Variants in DDX49 observed in about 807,000 individuals in gnomAD.
The protein encoded by DDX49 is DEAD-box helicase 49.
In DDX49, 50 loss-of-function variants were observed where a neutral mutation model predicts 56.3. That is an observed-to-expected ratio of 0.89 (90% confidence interval 0.71 to 1.12). The LOEUF is 1.12. Among genes scored for constraint, DDX49 ranks in the 50% most tolerant of loss-of-function variants. The probability of loss-of-function intolerance (pLI) is 0.00; values close to 1 mark genes in which losing one functional copy is unlikely to be tolerated. For missense variants in DDX49, 614 were observed against 650.5 expected, an observed-to-expected ratio of 0.94 and a Z score of 0.61; for synonymous variants, 269 against 270.6, an observed-to-expected ratio of 0.99 and a Z score of 0.06.
rs766495897 is a variant in DDX49 at position 18,927,747 on chromosome 19, G to A, written c.1103-19G>A. 13 of 882,456 alleles carry A rather than the reference G, an allele frequency of 1.5e-5. No individual in the cohort carries two copies. The highest frequency in any genetic ancestry group is 2.7e-5 in the South Asian group (2 of 73,940). 54.7% of individuals were successfully genotyped at this position (882,456 alleles called of 1,614,324 possible). On this transcript the variant is annotated intron_variant, in intron 10 of 12. Transcript: ENST00000247003. ...ACGTCTCCTCCCCACCCCCACCCCC[G>A]GCTTTGCTGTCCCCACAGAGAAGAA... is the stretch of plus-strand genomic sequence containing the variant.
At chr19:18,922,163 A>T in intron 4 of DDX49, 163 bp from the exon 5 acceptor site, 1 of 1,159,150 alleles carries the variant, frequency 8.6e-7, no homozygotes, top group Non-Finnish European at 1.2e-6. Flanking sequence ...ATTCGGGGGT[A>T]GGGCCTTGCT....
intron 7 of DDX49, 127 bp downstream of exon 7, chr19:18,924,435 T>G: frequency 8.9e-7 from 1 of 1,128,004 alleles, no homozygotes. Context: ...TCCCAGAATA[T>G]CGCAGCTCAA....
Position 18,919,857 on chromosome 19 carries a change from G to T in DDX49, c.115+1G>T. On this transcript the variant is annotated splice_donor_variant, in intron 1 of 12. Coordinates refer to ENST00000247003, the MANE Select transcript of DDX49 (RefSeq NM_019070.5). LOFTEE classifies it high-confidence loss of function. ...GGCTGCATCCCCGCCATCCTGGAGGGTGAGTATGGCCCAGGGCCTTCCCCA... is the reference window on the plus strand; with the variant it reads ...GGCTGCATCCCCGCCATCCTGGAGGTTGAGTATGGCCCAGGGCCTTCCCCA... 2 of 1,596,362 alleles carry T rather than the reference G, an allele frequency of 1.3e-6. No homozygotes were observed. The highest frequency in any genetic ancestry group is 1.7e-6 in the Non-Finnish European group (2 of 1,165,818).
rs773058681 is a variant in DDX49, at chr19:18,928,038, T to C, written c.1263+2T>C. 4.3e-6 allele frequency: 7 copies of C among 1,612,766 alleles called. No homozygotes were observed. The East Asian group carries it at 1.6e-4, about 36-fold the overall frequency. ...AAGCAGCTGATCCTGGAGGGGAAGG[T>C]GAGGGCCGAGCCCGCAGGTAGGGGG... On this transcript the variant is annotated splice_donor_variant, in intron 12 of 12. Transcript: ENST00000247003. LOFTEE classifies it high-confidence loss of function.
chr19:18,922,419 C>G lies in DDX49; in HGVS notation c.541C>G (p.Gln181Glu). Residue 181 changes from glutamine to glutamate, a missense_variant, in exon 5 of 13, where the codon CAG (glutamine) becomes GAG (glutamate). Gln to Glu is a conservative substitution (Grantham distance 29, BLOSUM62 2). Transcript: ENST00000247003. ...CCTGGCGGCTGTGCCGGCCCGCAGG[C>G]AGACACTGCTGTTCAGCGCCACGCT... The part of the protein sequence containing the change: ...AILAAVPARR[Q>E]TLLFSATLTD... 1 of 1,609,400 alleles carries G rather than the reference C, an allele frequency of 6.2e-7. No individual in the cohort carries two copies. Among genetic ancestry groups the G allele is most frequent in the Non-Finnish European group, 8.5e-7 (1 of 1,179,192 alleles).
chr19:18,919,815 C>T lies in DDX49; in HGVS notation c.74C>T (p.Pro25Leu). 6.2e-7 allele frequency: 1 copy of T among 1,609,370 alleles called. No individual in the cohort carries two copies. The highest frequency in any genetic ancestry group is 1.1e-5 in the South Asian group (1 of 91,024). The change falls in exon 1 of 13, where the codon CCC (proline) becomes CTC (leucine). Residue 25 changes from proline (P) to leucine (L), a missense_variant. Transcript: ENST00000247003. The part of the protein sequence containing the change: ...EQCRQLGLKQ[P>L]TPVQLGCIPA... ...TGTCGGCAGCTGGGTTTGAAGCAGC[C>T]CACGCCCGTGCAGCTCGGCTGCATC...
chr19:18,926,307 G>T lies in DDX49; in HGVS notation c.1032G>T (p.Arg344=), dbSNP rs868549242. 2 of 1,572,528 alleles carry T rather than the reference G, an allele frequency of 1.3e-6. No homozygotes were observed. The highest frequency in any genetic ancestry group is 1.7e-6 in the Non-Finnish European group (2 of 1,158,878). The change falls in exon 10 of 13, where the codon CGG becomes CGT. Residue 344 remains arginine, a synonymous_variant. Coordinates refer to ENST00000247003, the MANE Select transcript of DDX49 (RefSeq NM_019070.5). ...HRVGRTARAG[R]QGQAITLVTQ... Reference sequence around the variant, plus strand: ...ATAACCGGCACATCCCCACAGGGCGGCAGGGTCAGGCCATCACGCTGGTGA... The same window carrying T: ...ATAACCGGCACATCCCCACAGGGCGTCAGGGTCAGGCCATCACGCTGGTGA...
chr19:18,920,021 GT>G (rs1214444373), intron 1 of DDX49, among the ~76,000 whole-genome samples, 165 bp downstream of exon 1: 1 of 152,230 alleles, frequency 6.6e-6, no homozygotes, highest in Non-Finnish European at 1.5e-5. Context: ...TGGCATTTAG[GT>G]TGCATGACTG....
At chr19:18,925,258 AAAAT>A in intron 9 of DDX49, 2 of 287,860 alleles carry the variant, frequency 6.9e-6, no homozygotes, top group African/African-American at 2.5e-5. Context: ...TGTCTCCAAA[AAAAT>A]AAAATAAAAT....
Position 18,927,871 on chromosome 19 carries a change from G to A in DDX49, c.1191+17G>A, listed in dbSNP as rs779693883. 1.1e-5 allele frequency: 18 copies of A among 1,613,908 alleles called. No homozygotes were observed. The South Asian group carries it at 1.6e-4, about 15-fold the overall frequency. ...TGTGAGATCGTGAGTGTCAGAGGCGGGCAGGAACTAAAGTGCTCTCCAGGG... is the reference window on the plus strand; with the variant it reads ...TGTGAGATCGTGAGTGTCAGAGGCGAGCAGGAACTAAAGTGCTCTCCAGGG... On this transcript the variant is annotated intron_variant, in intron 11 of 12. Transcript: ENST00000247003.
chr19:18,926,394 T>C lies in DDX49; in HGVS notation c.1102+17T>C. On this transcript the variant is annotated intron_variant, in intron 10 of 12. Coordinates refer to ENST00000247003, the MANE Select transcript of DDX49 (RefSeq NM_019070.5). ...AGCAGATCAGTGAGTGGGGTTGGGGTGGGTGGTAGAGAAGGAGGGGTGGGG... is the reference window on the plus strand; with the variant it reads ...AGCAGATCAGTGAGTGGGGTTGGGGCGGGTGGTAGAGAAGGAGGGGTGGGG... The C allele has an allele frequency of 9.9e-6, 3 of 302,376 alleles. No homozygotes were observed. The highest frequency in any genetic ancestry group is 4.9e-5 in the South Asian group (1 of 20,286). The allele number at this position is 302,376 out of a possible 1,614,324, so 18.7% of individuals were successfully genotyped here.
chr19:18,924,776 A>G, intron 8 of DDX49, 77 bp downstream of exon 8: 5 of 1,612,906 alleles, frequency 3.1e-6, no homozygotes, highest in Middle Eastern at 1.6e-4. Context: ...GGCTGGCCTC[A>G]GGCATGTCAG....
At position 18,921,681 on chromosome 19, in the gene DDX49, C is replaced by G. The variant is rs773680130; in HGVS notation, c.258C>G (p.Ile86Met). Reference sequence around the variant, plus strand: ...CCCACAGGGAGCTGGCCTACCAGATCGCAGAGCAGTTCCGGGTCCTGGGGA... The same window carrying G: ...CCCACAGGGAGCTGGCCTACCAGATGGCAGAGCAGTTCCGGGTCCTGGGGA... ...LTPTRELAYQ[I>M]AEQFRVLGKP... Residue 86 changes from isoleucine (I) to methionine (M), a missense_variant, in exon 3 of 13, where the codon ATC (isoleucine) becomes ATG (methionine). Ile to Met is a conservative substitution (Grantham distance 10, BLOSUM62 1). Coordinates refer to ENST00000247003, the MANE Select transcript of DDX49 (RefSeq NM_019070.5). 5 of 1,614,100 alleles carry G rather than the reference C, an allele frequency of 3.1e-6. No individual in the cohort carries two copies. The highest frequency in any genetic ancestry group is 2.7e-5 in the African/African-American group (2 of 75,028).
chr19:18,926,405 G>GA, intron 10 of DDX49, 28 bp downstream of exon 10: 1 of 341,776 alleles, frequency 2.9e-6, no homozygotes, highest in Non-Finnish European at 5.4e-6. Context: ...GGGTGGTAGA[G>GA]AAGGAGGGGT....
Position 18,924,927 on chromosome 19 carries a change from C to A in DDX49, c.975C>A (p.Thr325=). The A allele has an allele frequency of 6.2e-7, 1 of 1,612,692 alleles. No individual in the cohort carries two copies. Among genetic ancestry groups the A allele is most frequent in the Non-Finnish European group, 8.5e-7 (1 of 1,179,948 alleles). The change falls in exon 9 of 13, where the codon ACC becomes ACA. Residue 325 remains threonine, a synonymous_variant. Transcript: ENST00000247003. Reference sequence around the variant, plus strand: ...TACAGGTGGTCATCAACCACAACACCCCCGGGCTCCCCAAGATCTACATCC... The same window carrying A: ...TACAGGTGGTCATCAACCACAACACACCCGGGCTCCCCAAGATCTACATCC... ...PTVQVVINHN[T]PGLPKIYIHR... is the part of the protein sequence containing the mutation.
chr19:18,922,686 C>T lies in DDX49; in HGVS notation c.718C>T (p.Gln240Ter). The change falls in exon 6 of 13, where the codon CAG (glutamine) becomes TAG (stop). Residue 240 changes from glutamine to a stop codon, truncating the protein, a stop_gained. Transcript: ENST00000247003. LOFTEE classifies it high-confidence loss of function. ...VKDAYLVHLI[Q>*]RFQDEHEDWS... ...GGACGCCTACCTGGTCCACCTGATC[C>T]AGCGCTTCCAGGATGAGCACGAGGA... is the stretch of plus-strand genomic sequence containing the variant. 6.2e-7 allele frequency: 1 copy of T among 1,614,060 alleles called. No individual in the cohort carries two copies. Among genetic ancestry groups the T allele is most frequent in the Non-Finnish European group, 8.5e-7 (1 of 1,180,042 alleles).
Position 18,926,838 on chromosome 19 carries a change from C to T in DDX49, c.1102+461C>T, listed in dbSNP as rs10425178. 2.4e-3 allele frequency among the ~76,000 whole-genome samples: 363 copies of T among 152,118 alleles called. 1 individual carries two copies. The highest frequency in any genetic ancestry group is 8.2e-3 in the African/African-American group (340 of 41,488). On this transcript the variant is annotated intron_variant, in intron 10 of 12. Transcript: ENST00000247003. ...TTGTAATCCTAGCACTTTGAGAGGC[C>T]GAGGTGGGCGGATCACTTGAGCCCA...
rs755765241 is a variant in DDX49, at chr19:18,924,201, G to A, written c.777-32G>A. On this transcript the variant is annotated intron_variant, in intron 6 of 12. Coordinates refer to ENST00000247003, the MANE Select transcript of DDX49 (RefSeq NM_019070.5). Reference sequence around the variant, plus strand: ...AACACCTTCCCAGAACCTGAGAGCTGGAGGGGTTGACAGGCACATCCTTCC... The same window carrying A: ...AACACCTTCCCAGAACCTGAGAGCTAGAGGGGTTGACAGGCACATCCTTCC... The A allele has an allele frequency of 1.1e-5, 17 of 1,611,540 alleles. No homozygotes were observed. The South Asian group carries it at 1.8e-4, about 17-fold the overall frequency.
rs1221292012 is a variant in DDX49, at chr19:18,927,872, G to A, written c.1191+18G>A. On this transcript the variant is annotated intron_variant, in intron 11 of 12. Coordinates refer to ENST00000247003, the MANE Select transcript of DDX49 (RefSeq NM_019070.5). ...GTGAGATCGTGAGTGTCAGAGGCGG[G>A]CAGGAACTAAAGTGCTCTCCAGGGC... is the stretch of plus-strand genomic sequence containing the variant. The A allele has an allele frequency of 1.9e-6, 3 of 1,614,006 alleles. No individual in the cohort carries two copies. Among genetic ancestry groups the A allele is most frequent in the Non-Finnish European group, 2.5e-6 (3 of 1,179,978 alleles).
Sources: gnomAD v4.1 joint callset for allele counts (sites outside exome capture counted in the v4.1 genomes callset) on GRCh38, gnomAD v4.1.1 for gene constraint, MANE v1.5 for transcripts, NCBI Gene and HGNC (gene_info 2026-07-23, HGNC 2026-07-21) for gene names.